Variants in TMEM178B observed in about 807,000 individuals in gnomAD.
The protein encoded by TMEM178B is transmembrane protein 178B.
Under a neutral mutation model 31.0 loss-of-function variants are expected in TMEM178B, and 5 were observed. That is an observed-to-expected ratio of 0.16 (90% CI 0.08 to 0.34). The LOEUF is 0.34. Ranked by LOEUF, TMEM178B falls within the 10% of genes least tolerant of loss-of-function variation. The pLI, the probability that TMEM178B is intolerant of heterozygous loss-of-function variation, is 1.00. For missense variants in TMEM178B, 275 were observed against 400.3 expected (o/e 0.69, Z 2.67); for synonymous variants, 164 against 164.0 (o/e 1.00, Z 0.00).
chr7:141,230,386 TAA>T (rs937696026), intron 2 of TMEM178B, among the ~76,000 whole-genome samples: 1 of 152,220 alleles, frequency 6.6e-6, no homozygotes, highest in Admixed American at 6.5e-5. Flanking sequence ...ATTTGATTGA[TAA>T]AAAAAGTTAC....
chr7:141,179,041 C>G (rs1446551867), intron 1 of TMEM178B, among the ~76,000 whole-genome samples: 2 of 152,158 alleles, frequency 1.3e-5, no homozygotes, highest in African/African-American at 4.8e-5. Context: ...TGTAAGTGCC[C>G]TTCAGATAAT....
At chr7:141,216,476 G>GTGTGT (rs1563120779) in intron 2 of TMEM178B, among the ~76,000 whole-genome samples, 5 of 102,860 alleles carry the variant, frequency 4.9e-5, no homozygotes, top group South Asian at 2.7e-4. Flanking sequence ...TGTGTGTGTG[G>GTGTGT]GTGTGTGGTG....
chr7:141,127,411 A>T (rs1034531297), intron 1 of TMEM178B, among the ~76,000 whole-genome samples: 2 of 152,158 alleles, frequency 1.3e-5, no homozygotes, highest in African/African-American at 4.8e-5. Context: ...TCATGATGAG[A>T]TCATCCTGGA....
intron 2 of TMEM178B, among the ~76,000 whole-genome samples, chr7:141,278,816 AGG>A (rs1277118718): frequency 6.6e-6 from 1 of 152,136 alleles, no homozygotes; most frequent in Non-Finnish European, 1.5e-5. Context: ...AGAGGACTGA[AGG>A]GTGAAATTTA....
chr7:141,326,718 G>T (rs1001224834), intron 2 of TMEM178B, among the ~76,000 whole-genome samples: 1 of 152,140 alleles, frequency 6.6e-6, no homozygotes, highest in African/African-American at 2.4e-5. Context: ...TGACAGAGAT[G>T]GTTTGGCCCA....
At chr7:141,111,045 C>T (rs1400264006) in intron 1 of TMEM178B, among the ~76,000 whole-genome samples, 1 of 152,194 alleles carries the variant, frequency 6.6e-6, no homozygotes, top group African/African-American at 2.4e-5. Flanking sequence ...AGTCTATGGT[C>T]TTTTGTTATG....
At chr7:141,175,155 G>A (rs892132170) in intron 1 of TMEM178B, among the ~76,000 whole-genome samples, 6 of 152,120 alleles carry the variant, frequency 3.9e-5, no homozygotes, top group Admixed American at 3.3e-4. Context: ...GTAAGGAAGG[G>A]ATCTAGTTTC....
In TMEM178B at chr7:141,470,826, A is replaced by G. The variant is rs1361017588; in HGVS notation, c.*40A>G. The G allele has an allele frequency of 1.0e-5, 10 of 975,480 alleles. No individual in the cohort carries two copies. Among genetic ancestry groups the G allele is most frequent in the Non-Finnish European group, 1.1e-5 (9 of 785,852 alleles). The allele number at this position is 975,480 out of a possible 1,614,324, so 60.4% of individuals were successfully genotyped here. ...CATACATATATATATATAAATATAT[A>G]TATATAATATACATATATAAAACAA... is the stretch of plus-strand genomic sequence containing the variant. On this transcript the variant is annotated 3_prime_UTR_variant, in exon 4 of 4. Coordinates refer to ENST00000565468, the MANE Select transcript of TMEM178B (RefSeq NM_001195278.2).
intron 2 of TMEM178B, among the ~76,000 whole-genome samples, chr7:141,434,399 G>A (rs1483147629): frequency 1.3e-5 from 2 of 152,202 alleles, no homozygotes; most frequent in Non-Finnish European, 2.9e-5. Flanking sequence ...TGCTGAATGG[G>A]ATAGGATTTC....
intron 2 of TMEM178B, among the ~76,000 whole-genome samples, chr7:141,238,841 C>G (rs892681478): frequency 6.6e-6 from 1 of 152,214 alleles, no homozygotes. Flanking sequence ...AGTCAAGGAA[C>G]AGAATGAAAT....
intron 1 of TMEM178B, among the ~76,000 whole-genome samples, chr7:141,127,658 T>C (rs1280528936): frequency 6.6e-6 from 1 of 152,172 alleles, no homozygotes; most frequent in Non-Finnish European, 1.5e-5. Flanking sequence ...GCTTCTGGCC[T>C]CCAGAATTGT....
intron 1 of TMEM178B, among the ~76,000 whole-genome samples, chr7:141,128,142 G>A (rs1795536089): frequency 6.6e-6 from 1 of 152,156 alleles, no homozygotes; most frequent in Non-Finnish European, 1.5e-5. Flanking sequence ...GAATAAAAGG[G>A]ACACTATTAA....
intron 1 of TMEM178B, among the ~76,000 whole-genome samples, chr7:141,081,154 C>T (rs1215884719): frequency 2.0e-5 from 3 of 152,068 alleles, no homozygotes; most frequent in Non-Finnish European, 1.5e-5. Context: ...GCTCCATGTG[C>T]ACCATTGCCC....
chr7:141,291,344 G>A (rs1163892604), intron 2 of TMEM178B, among the ~76,000 whole-genome samples: 7 of 152,088 alleles, frequency 4.6e-5, no homozygotes, highest in African/African-American at 1.4e-4. Flanking sequence ...CTTATAAGAA[G>A]CAGCTGAAAT....
intron 3 of TMEM178B, among the ~76,000 whole-genome samples, chr7:141,446,457 C>T (rs1047858844): frequency 6.6e-6 from 1 of 152,166 alleles, no homozygotes; most frequent in African/African-American, 2.4e-5. Context: ...CAGAGCAGCC[C>T]CTGGAAGGAA....
chr7:141,320,280 G>A (rs1205812036), intron 2 of TMEM178B, among the ~76,000 whole-genome samples: 1 of 152,112 alleles, frequency 6.6e-6, no homozygotes, highest in African/African-American at 2.4e-5. Flanking sequence ...CTTTATACCA[G>A]TGTGAAAACA....
At chr7:141,509,745 T>A in the TMEM178B span, among the ~76,000 whole-genome samples, 1 of 152,198 alleles carries the variant, frequency 6.6e-6, no homozygotes, top group East Asian at 1.9e-4. Context: ...AGCTCCCCTG[T>A]GACCCTGATG....
At chr7:141,097,956 T>G (rs2129173167) in intron 1 of TMEM178B, among the ~76,000 whole-genome samples, 1 of 152,048 alleles carries the variant, frequency 6.6e-6, no homozygotes, top group East Asian at 1.9e-4. Context: ...CATGCCTGGC[T>G]AATTTTTGTA....
chr7:141,130,089 T>A (rs1795570339), intron 1 of TMEM178B, among the ~76,000 whole-genome samples: 1 of 152,182 alleles, frequency 6.6e-6, no homozygotes, highest in East Asian at 1.9e-4. Flanking sequence ...TCTCAGTTAA[T>A]CTCTTCAGGA....
Sources: allele counts gnomAD v4.1 joint callset (sites outside exome capture counted in the v4.1 genomes callset), GRCh38; gene constraint gnomAD v4.1.1; transcripts MANE v1.5; gene names NCBI Gene and HGNC (gene_info 2026-07-23, HGNC 2026-07-21).